Variants in DLG2 observed in about 807,000 individuals in gnomAD.
DLG2 encodes discs large MAGUK scaffold protein 2.
DLG2 carries 45 observed loss-of-function variants against 132.5 expected under a neutral mutation model. The observed-to-expected ratio is 0.34, with a 90% CI of 0.27 to 0.44. The LOEUF is 0.44. Ranked by LOEUF, DLG2 falls within the 20% of genes least tolerant of loss-of-function variation. DLG2 has a pLI of 1.00. For synonymous variants in DLG2, 424 were observed against 419.6 expected (o/e 1.01, Z -0.13); for missense variants, 1,045 against 1,196.9 (o/e 0.87, Z 1.87).
intron 9 of DLG2, among the ~76,000 whole-genome samples, chr11:84,127,769 T>C (rs1725497966): frequency 6.6e-6 from 1 of 152,142 alleles, no homozygotes; most frequent in African/African-American, 2.4e-5. Flanking sequence ...TCTTCTTATG[T>C]GCGTATCTGT....
intron 3 of DLG2, among the ~76,000 whole-genome samples, chr11:85,455,844 CA>C (rs1413353099): frequency 6.6e-6 from 1 of 152,066 alleles, no homozygotes; most frequent in Non-Finnish European, 1.5e-5. Context: ...TATGTTGAGC[CA>C]AGCTTGCATC....
chr11:84,364,722 C>A (rs200764639), intron 7 of DLG2, among the ~76,000 whole-genome samples: 12 of 151,744 alleles, frequency 7.9e-5, no homozygotes, highest in East Asian at 5.8e-4. Flanking sequence ...TAGCATGAAG[C>A]GTTGTTGAAT....
chr11:85,004,202 T>C (rs765550697), intron 6 of DLG2, among the ~76,000 whole-genome samples: 5 of 152,176 alleles, frequency 3.3e-5, no homozygotes, highest in African/African-American at 4.8e-5. Flanking sequence ...GTCTTTATAA[T>C]AGAATGATTT....
intron 6 of DLG2, among the ~76,000 whole-genome samples, chr11:84,793,958 T>G (rs2074221227): frequency 6.6e-6 from 1 of 152,226 alleles, no homozygotes; most frequent in Non-Finnish European, 1.5e-5. Context: ...TGGGTTGTTT[T>G]GTGTTCTTCT....
At chr11:85,366,678 GA>G (rs2084577956) in intron 3 of DLG2, among the ~76,000 whole-genome samples, 1 of 152,166 alleles carries the variant, frequency 6.6e-6, no homozygotes, top group South Asian at 2.1e-4. Context: ...GGGGGTAGAG[GA>G]TAAGTTCCTA....
At chr11:84,235,554 AT>A (rs1426605002) in intron 8 of DLG2, among the ~76,000 whole-genome samples, 11 of 152,078 alleles carry the variant, frequency 7.2e-5, no homozygotes, top group African/African-American at 2.4e-4. Flanking sequence ...AAAAAAAAAA[AT>A]CTCTTCCCAG....
chr11:84,581,855 C>T (rs990113522), intron 6 of DLG2, among the ~76,000 whole-genome samples: 1 of 144,954 alleles, frequency 6.9e-6, no homozygotes, highest in Admixed American at 7.2e-5. Flanking sequence ...TGCAGTCAGC[C>T]GAGATTGCCT....
At chr11:83,491,602 T>C (rs1464366201) in intron 21 of DLG2, among the ~76,000 whole-genome samples, 2 of 151,978 alleles carry the variant, frequency 1.3e-5, no homozygotes, top group East Asian at 3.9e-4. Context: ...CCAAAGGGCA[T>C]AGAGACCAAG....
At chr11:85,186,411 T>C (rs1002764450) in intron 4 of DLG2, among the ~76,000 whole-genome samples, 1 of 152,062 alleles carries the variant, frequency 6.6e-6, no homozygotes, top group African/African-American at 2.4e-5. Context: ...CACATGCAGC[T>C]TTAGTGGCTA....
chr11:85,559,797 G>A (rs1313961804), intron 3 of DLG2, among the ~76,000 whole-genome samples: 1 of 145,114 alleles, frequency 6.9e-6, no homozygotes, highest in African/African-American at 2.5e-5. Context: ...CACACAGATA[G>A]ATGGTGATTA....
chr11:85,057,371 A>T (rs896877215), intron 6 of DLG2, among the ~76,000 whole-genome samples: 1 of 151,664 alleles, frequency 6.6e-6, no homozygotes, highest in Non-Finnish European at 1.5e-5. Flanking sequence ...ATCACTTCAG[A>T]TCTTACCAAA....
At chr11:84,616,667 C>T (rs2154539855) in intron 6 of DLG2, among the ~76,000 whole-genome samples, 1 of 152,160 alleles carries the variant, frequency 6.6e-6, no homozygotes, top group South Asian at 2.1e-4. Context: ...CACTTAGGCT[C>T]AGAATTAGCA....
chr11:85,436,702 G>A (rs1459105247), intron 3 of DLG2, among the ~76,000 whole-genome samples: 1 of 152,206 alleles, frequency 6.6e-6, no homozygotes, highest in Non-Finnish European at 1.5e-5. Flanking sequence ...TACACTGTTG[G>A]TAGGAATATA....
chr11:85,171,888 A>G (rs1333626793), intron 4 of DLG2, among the ~76,000 whole-genome samples: 1 of 152,116 alleles, frequency 6.6e-6, no homozygotes, highest in Non-Finnish European at 1.5e-5. Context: ...CTCCCTCCTC[A>G]CTGGGTGGGG....
chr11:84,927,525 T>C (rs1235432637), intron 6 of DLG2, among the ~76,000 whole-genome samples: 1 of 151,954 alleles, frequency 6.6e-6, no homozygotes, highest in African/African-American at 2.4e-5. Context: ...GCAAACTGAT[T>C]CTGTAAATGG....
chr11:85,141,621 T>G (rs60744166), intron 5 of DLG2, among the ~76,000 whole-genome samples: 16,159 of 151,846 alleles, frequency 0.11, 1,292 homozygotes, highest in African/African-American at 0.22. Context: ...ACTCAAGAAA[T>G]TTTTGCCCAG....
intron 6 of DLG2, among the ~76,000 whole-genome samples, chr11:84,648,788 T>C (rs542116056): frequency 2.7e-3 from 412 of 152,116 alleles, no homozygotes; most frequent in Non-Finnish European, 5.1e-3. Context: ...TATATATATA[T>C]ATATCTCACA....
chr11:84,218,640 AGG>A (rs2096872799), intron 8 of DLG2, among the ~76,000 whole-genome samples: 2 of 152,204 alleles, frequency 1.3e-5, no homozygotes, highest in East Asian at 3.8e-4. Flanking sequence ...TTAAAATGAA[AGG>A]ATCCTGGGTC....
chr11:84,617,968 T>A (rs1435505300), intron 6 of DLG2, among the ~76,000 whole-genome samples: 1 of 152,168 alleles, frequency 6.6e-6, no homozygotes, highest in South Asian at 2.1e-4. Flanking sequence ...TAGGTAGTTA[T>A]GGGAATTTGA....
Sources: gnomAD v4.1 joint callset for allele counts (sites outside exome capture counted in the v4.1 genomes callset) on GRCh38, gnomAD v4.1.1 for gene constraint, MANE v1.5 for transcripts, NCBI Gene and HGNC (gene_info 2026-07-23, HGNC 2026-07-21) for gene names.